BLOC1S6: variants seen among roughly 807,000 people sequenced by gnomAD.
BLOC1S6 encodes the protein biogenesis of lysosome-related organelles complex 1 subunit 6.
A neutral mutation model predicts 24.7 loss-of-function variants in BLOC1S6; 24 were observed. The ratio of observed to expected loss-of-function variants is 0.97; its 90% CI spans 0.70 to 1.37. BLOC1S6 has a LOEUF of 1.37. BLOC1S6 is among the 40% of genes most tolerant of loss of function. The pLI, the probability that BLOC1S6 is intolerant of heterozygous loss-of-function variation, is 0.00. For missense variants in BLOC1S6, 175 were observed against 196.2 expected (o/e 0.89, Z 0.64); for synonymous variants, 76 against 72.6 (o/e 1.05, Z -0.23).
intron 1 of BLOC1S6, 157 bp downstream of exon 1, chr15:45,587,682 G>A (rs768679220): frequency 1.7e-5 from 13 of 764,014 alleles, no homozygotes; most frequent in South Asian, 1.2e-4. Context: ...AACCGCGCCG[G>A]CCCCTCTGCC....
Position 45,603,155 on chromosome 15 carries a change from G to C in BLOC1S6, c.280G>C (p.Glu94Gln). ...TLEQEISKFK[E>Q]CHSMLDINAL... ...GGAACAAGAGATTTCAAAATTTAAA[G>C]AATGTCATTCTATGTTGGATATTAA... Residue 94 changes from glutamate to glutamine, a missense_variant, in exon 3 of 5, where the codon GAA (glutamate) becomes CAA (glutamine). Glu to Gln is a conservative substitution (Grantham distance 29). Transcript: ENST00000220531. 1.2e-6 allele frequency: 2 copies of C among 1,609,926 alleles called. No individual in the cohort carries two copies. Among genetic ancestry groups the C allele is most frequent in the Non-Finnish European group, 8.5e-7 (1 of 1,176,776 alleles).
chr15:45,591,968 C>T (rs1893902733), intron 1 of BLOC1S6, 167 bp from the exon 2 acceptor site: 1 of 740,568 alleles, frequency 1.4e-6, no homozygotes, highest in Non-Finnish European at 2.1e-6. Flanking sequence ...TTAGCTGTGT[C>T]AATTTGAAAG....
chr15:45,603,050 C>T (rs373550871), intron 2 of BLOC1S6, 50 bp from the exon 3 acceptor site: 529 of 1,240,840 alleles, frequency 4.3e-4, no homozygotes, highest in Middle Eastern at 3.2e-3. Context: ...TTTAATGGAC[C>T]GGCACTTTAA....
intron 2 of BLOC1S6, among the ~76,000 whole-genome samples, chr15:45,593,493 C>T (rs1204143531): frequency 6.6e-6 from 1 of 150,586 alleles, no homozygotes; most frequent in East Asian, 2.0e-4. Context: ...TAATCCCAAA[C>T]AAGATTTTTT....
chr15:45,587,436 G>A lies in BLOC1S6; in HGVS notation c.-8G>A. The A allele has an allele frequency of 1.9e-6, 3 of 1,572,534 alleles. No individual in the cohort carries two copies. Among genetic ancestry groups the A allele is most frequent in the Non-Finnish European group, 2.6e-6 (3 of 1,157,778 alleles). ...TTGCTTCTTCCCTGTGTTCCCAGCT[G>A]GAGGGACATGAGTGTCCCTGGGCCG... On this transcript the variant is annotated 5_prime_UTR_variant, in exon 1 of 5. Transcript: ENST00000220531.
chr15:45,602,951 A>C, intron 2 of BLOC1S6, 149 bp from the exon 3 acceptor site: 1 of 608,020 alleles, frequency 1.6e-6, no homozygotes, highest in South Asian at 1.9e-5. Flanking sequence ...ATTTTGAAAA[A>C]TCTTATTCTA....
chr15:45,593,386 GAAAA>G (rs59495378), intron 2 of BLOC1S6, among the ~76,000 whole-genome samples: 1 of 63,328 alleles, frequency 1.6e-5, no homozygotes, highest in Admixed American at 2.1e-4. Flanking sequence ...CTCTGTCTCC[GAAAA>G]AAAAAAAAAA....
intron 1 of BLOC1S6, among the ~76,000 whole-genome samples, chr15:45,588,258 C>T (rs1019229212): frequency 1.3e-5 from 2 of 152,248 alleles, no homozygotes; most frequent in African/African-American, 4.8e-5. Flanking sequence ...CCTCAAGGAT[C>T]TCTTCACACT....
At chr15:45,605,291 T>A (rs1894408911) in intron 3 of BLOC1S6, 137 bp from the exon 4 acceptor site, 1 of 649,842 alleles carries the variant, frequency 1.5e-6, no homozygotes, top group Admixed American at 3.0e-5. Context: ...ATTTTGGAAT[T>A]AAAATGTGAA....
intron 4 of BLOC1S6, 93 bp from the exon 5 acceptor site, chr15:45,606,302 T>C: frequency 6.6e-7 from 1 of 1,509,614 alleles, no homozygotes. Flanking sequence ...TGTGAATGAA[T>C]TACCTCAAAG....
upstream of BLOC1S6, chr15:45,587,272 T>C: frequency 1.5e-6 from 1 of 686,484 alleles, no homozygotes; most frequent in East Asian, 2.7e-5. Context: ...CACAACGCCA[T>C]GGGGCAGAGC....
rs1156853728 is a variant in BLOC1S6 at position 45,605,452 on chromosome 15, G to A, written c.337G>A (p.Ala113Thr). The change falls in exon 4 of 5, where the codon GCC (alanine) becomes ACC (threonine). Residue 113 changes from alanine to threonine, a missense_variant. Physicochemically the swap from Ala to Thr is moderately conservative, Grantham distance 58. Transcript: ENST00000220531. ...GTTTGCTGAGGCTAAACACTATCATGCCAAGTTGGTGAATATAAGAAAAGA... is the reference window on the plus strand; with the variant it reads ...GTTTGCTGAGGCTAAACACTATCATACCAAGTTGGTGAATATAAGAAAAGA... ...ALFAEAKHYH[A>T]KLVNIRKEML... 2 of 1,612,386 alleles carry A rather than the reference G, an allele frequency of 1.2e-6. No individual in the cohort carries two copies. The highest frequency in any genetic ancestry group is 1.3e-5 in the African/African-American group (1 of 74,854).
chr15:45,587,882 G>A, intron 1 of BLOC1S6: 1 of 652,110 alleles, frequency 1.5e-6, no homozygotes, highest in Non-Finnish European at 2.8e-6. Context: ...GAGAGGTGAC[G>A]TATCCTATAA....
intron 2 of BLOC1S6, among the ~76,000 whole-genome samples, chr15:45,592,504 T>C (rs1423494222): frequency 6.6e-6 from 1 of 152,254 alleles, no homozygotes; most frequent in Admixed American, 6.5e-5. Context: ...GAAGTACTCC[T>C]AAATCTTACC....
At chr15:45,606,045 G>T (rs994146025) in intron 4 of BLOC1S6, among the ~76,000 whole-genome samples, 4 of 152,116 alleles carry the variant, frequency 2.6e-5, no homozygotes, top group Non-Finnish European at 5.9e-5. Context: ...AGCTCAAGCA[G>T]CCCTCTGGCC....
At chr15:45,595,999 G>T (rs1894060862) in intron 2 of BLOC1S6, among the ~76,000 whole-genome samples, 1 of 152,060 alleles carries the variant, frequency 6.6e-6, no homozygotes, top group African/African-American at 2.4e-5. Flanking sequence ...GTAGAGCCGG[G>T]GTTTCTCCAT....
At chr15:45,602,449 G>A (rs1555397551) in intron 2 of BLOC1S6, 1 of 591,646 alleles carries the variant, frequency 1.7e-6, no homozygotes, top group South Asian at 1.9e-5. Context: ...TATCAAGGAA[G>A]TTGGCTTCTC....
intron 2 of BLOC1S6, chr15:45,597,865 G>A (rs779116227): frequency 2.8e-6 from 1 of 360,808 alleles, no homozygotes; most frequent in Non-Finnish European, 5.5e-6. Flanking sequence ...TCTTTTTCTT[G>A]TCTTGCTGTA....
intron 2 of BLOC1S6, among the ~76,000 whole-genome samples, chr15:45,597,047 T>C (rs2140909799): frequency 6.6e-6 from 1 of 152,354 alleles, no homozygotes; most frequent in East Asian, 1.9e-4. Context: ...TTCAATGTTG[T>C]ATTGGCTCTT....
Sources: gnomAD v4.1 joint callset for allele counts (sites outside exome capture counted in the v4.1 genomes callset) on GRCh38, gnomAD v4.1.1 for gene constraint, MANE v1.5 for transcripts, NCBI Gene and HGNC (gene_info 2026-07-23, HGNC 2026-07-21) for gene names.